Variants in SMYD3 observed in about 807,000 individuals in gnomAD.
SMYD3 encodes the protein SET and MYND domain containing 3.
In SMYD3, 36 loss-of-function variants were observed where a neutral mutation model predicts 57.7. That is an observed-to-expected ratio of 0.62 (90% CI 0.48 to 0.82). SMYD3 has a LOEUF of 0.82. Among genes scored for constraint, SMYD3 ranks in the 40% least tolerant of loss-of-function variants. The pLI is 0.00. For missense variants in SMYD3, 515 were observed against 538.8 expected, an observed-to-expected ratio of 0.96 and a Z score of 0.44; for synonymous variants, 211 against 195.0, an observed-to-expected ratio of 1.08 and a Z score of -0.68.
At chr1:246,049,944 T>C (rs569285512) in intron 5 of SMYD3, among the ~76,000 whole-genome samples, 4 of 152,290 alleles carry the variant, frequency 2.6e-5, no homozygotes, top group East Asian at 3.9e-4. Flanking sequence ...AATTTTTCAA[T>C]AGACGTAGTA....
At chr1:246,219,159 A>G (rs867049040) in intron 5 of SMYD3, among the ~76,000 whole-genome samples, 3 of 152,138 alleles carry the variant, frequency 2.0e-5, no homozygotes, top group African/African-American at 7.2e-5. Flanking sequence ...GCCTCAAACC[A>G]TGGCCCAAAG....
chr1:246,162,066 C>G (rs2062131214), intron 5 of SMYD3, among the ~76,000 whole-genome samples: 1 of 152,150 alleles, frequency 6.6e-6, no homozygotes, highest in Non-Finnish European at 1.5e-5. Flanking sequence ...GTGTACCTGG[C>G]CGGCTAAGCA....
chr1:246,469,013 C>T (rs1470144346), intron 1 of SMYD3, among the ~76,000 whole-genome samples: 1 of 152,194 alleles, frequency 6.6e-6, no homozygotes, highest in Non-Finnish European at 1.5e-5. Context: ...TCACGCTAAA[C>T]CCAGGCTACT....
At chr1:245,752,917 C>G (rs1339939224) in intron 11 of SMYD3, among the ~76,000 whole-genome samples, 1 of 152,172 alleles carries the variant, frequency 6.6e-6, no homozygotes, top group East Asian at 1.9e-4. Flanking sequence ...CAGGACTCAA[C>G]CCAGTGTGTC....
chr1:246,089,226 G>A (rs12125260), intron 5 of SMYD3, among the ~76,000 whole-genome samples: 5 of 151,886 alleles, frequency 3.3e-5, no homozygotes, highest in East Asian at 1.9e-4. Context: ...TAATCCTCCC[G>A]CCTCAGCCTC....
chr1:246,442,366 C>T (rs992804010), intron 1 of SMYD3, among the ~76,000 whole-genome samples: 13 of 151,816 alleles, frequency 8.6e-5, no homozygotes, highest in African/African-American at 2.4e-4. Flanking sequence ...CTGGCCAACC[C>T]GGTGAAACCC....
chr1:246,369,833 C>T (rs2066165003), intron 1 of SMYD3, among the ~76,000 whole-genome samples: 1 of 152,100 alleles, frequency 6.6e-6, no homozygotes, highest in Non-Finnish European at 1.5e-5. Context: ...CCACTGCACC[C>T]AGCCTGGGAT....
chr1:246,026,494 G>A (rs2059576443), intron 5 of SMYD3, among the ~76,000 whole-genome samples: 1 of 152,090 alleles, frequency 6.6e-6, no homozygotes, highest in Non-Finnish European at 1.5e-5. Flanking sequence ...AGCACCATTT[G>A]TCCAATAGCA....
intron 8 of SMYD3, among the ~76,000 whole-genome samples, chr1:245,883,697 G>A (rs185479500): frequency 1.3e-5 from 2 of 152,252 alleles, no homozygotes; most frequent in East Asian, 3.9e-4. Context: ...TATCATGAAA[G>A]GTCCATGGAC....
At chr1:246,143,244 T>C (rs1054504164) in intron 5 of SMYD3, among the ~76,000 whole-genome samples, 11 of 152,134 alleles carry the variant, frequency 7.2e-5, no homozygotes, top group African/African-American at 2.4e-4. Context: ...TAGTGAATCA[T>C]GCATTACTGC....
At chr1:246,181,703 T>C (rs2062554218) in intron 5 of SMYD3, among the ~76,000 whole-genome samples, 1 of 152,218 alleles carries the variant, frequency 6.6e-6, no homozygotes, top group African/African-American at 2.4e-5. Flanking sequence ...CTTTGGGATC[T>C]AGTCCTTAAG....
chr1:245,899,212 T>C (rs2148609541), intron 8 of SMYD3, among the ~76,000 whole-genome samples: 1 of 152,266 alleles, frequency 6.6e-6, no homozygotes, highest in East Asian at 1.9e-4. Context: ...ATGTTGAATT[T>C]ATGATCTTTT....
intron 10 of SMYD3, among the ~76,000 whole-genome samples, chr1:245,791,535 C>G (rs2047265547): frequency 6.8e-6 from 1 of 147,850 alleles, no homozygotes; most frequent in Non-Finnish European, 1.5e-5. Context: ...CACGGGTCAG[C>G]CAGACAGATT....
At chr1:245,981,737 T>C (rs1343683043) in intron 5 of SMYD3, among the ~76,000 whole-genome samples, 1 of 152,232 alleles carries the variant, frequency 6.6e-6, no homozygotes, top group Admixed American at 6.5e-5. Context: ...ACTGAAAGCA[T>C]GTGTAAGTTC....
At chr1:246,329,966 G>A (rs1295696636) in intron 4 of SMYD3, among the ~76,000 whole-genome samples, 1 of 152,148 alleles carries the variant, frequency 6.6e-6, no homozygotes, top group East Asian at 1.9e-4. Flanking sequence ...TCAGATATGG[G>A]AAGCTTTTTA....
intron 1 of SMYD3, among the ~76,000 whole-genome samples, chr1:246,364,968 AAAAAGCCTGTGT>A (rs1450839075): frequency 6.6e-6 from 1 of 152,240 alleles, no homozygotes; most frequent in Non-Finnish European, 1.5e-5. Context: ...ATGAACTCAA[AAAAAGCCTGTGT>A]AACTACATAA....
intron 1 of SMYD3, among the ~76,000 whole-genome samples, chr1:246,356,836 C>CA (rs760618704): frequency 2.5e-4 from 38 of 151,486 alleles, no homozygotes; most frequent in African/African-American, 6.1e-4. Flanking sequence ...GTTCCCAAGA[C>CA]AAAAAAAAGA....
At chr1:246,497,129 T>C (rs2068375837) in intron 1 of SMYD3, among the ~76,000 whole-genome samples, 1 of 152,072 alleles carries the variant, frequency 6.6e-6, no homozygotes, top group Non-Finnish European at 1.5e-5. Context: ...CAGAATCTTC[T>C]TGTAGTAATA....
At chr1:246,077,920 A>G (rs2060574708) in intron 5 of SMYD3, among the ~76,000 whole-genome samples, 4 of 152,134 alleles carry the variant, frequency 2.6e-5, no homozygotes, top group Admixed American at 2.6e-4. Context: ...TAAAAACAAA[A>G]TCTGTCTTCC....
Sources: allele counts gnomAD v4.1 joint callset (sites outside exome capture counted in the v4.1 genomes callset), GRCh38; gene constraint gnomAD v4.1.1; transcripts MANE v1.5; gene names NCBI Gene and HGNC (gene_info 2026-07-23, HGNC 2026-07-21).